Variants in NRK observed in about 807,000 individuals in gnomAD.
NRK encodes the protein Nik related kinase.
A neutral mutation model predicts 125.2 loss-of-function variants in NRK; 67 were observed. The observed-to-expected ratio is 0.54, with a 90% CI of 0.44 to 0.66. The LOEUF (loss-of-function observed/expected upper bound fraction) is 0.66, where lower values mean the gene tolerates loss of function less well. NRK is among the 30% of genes least tolerant of loss of function. The pLI is 0.00. For missense variants in NRK, 1,224 were observed against 1,192.9 expected, an observed-to-expected ratio of 1.03 and a Z score of -0.38; for synonymous variants, 458 against 429.0, an observed-to-expected ratio of 1.07 and a Z score of -0.84.
At chrX:105,852,923 A>G (rs1032170969) in intron 2 of NRK, among the ~76,000 whole-genome samples, 2 of 111,780 alleles carry the variant, frequency 1.8e-5, no homozygotes, top group African/African-American at 6.5e-5. Context: ...TGACTTTTTA[A>G]AAATTTTTGA....
intron 2 of NRK, among the ~76,000 whole-genome samples, chrX:105,873,223 A>T (rs1439123240): frequency 1.8e-5 from 2 of 111,589 alleles, no homozygotes; most frequent in African/African-American, 6.5e-5. Flanking sequence ...TAACTGCATG[A>T]TTTTTTTAAA....
chrX:105,905,971 C>T (rs760430477), intron 10 of NRK, among the ~76,000 whole-genome samples: 6 of 111,929 alleles, frequency 5.4e-5, no homozygotes, highest in Non-Finnish European at 1.1e-4. Context: ...TTAGTTAGTC[C>T]TGGTGCTTTT....
At chrX:105,929,410 A>T (rs2040566187) in intron 19 of NRK, among the ~76,000 whole-genome samples, 1 of 111,254 alleles carries the variant, frequency 9.0e-6, no homozygotes, top group African/African-American at 3.3e-5. Context: ...TATAGGCAAC[A>T]TATAATTGGG....
chrX:105,879,289 G>A (rs937391680), intron 2 of NRK, among the ~76,000 whole-genome samples: 1 of 110,560 alleles, frequency 9.0e-6, no homozygotes, highest in Non-Finnish European at 1.9e-5. Flanking sequence ...CAATTTTCGA[G>A]GGGACACTGT....
chrX:105,909,164 C>T lies in NRK; in HGVS notation c.1523C>T (p.Ser508Leu). 8.3e-7 allele frequency: 1 copy of T among 1,211,336 alleles called. No homozygotes were observed. Residue 508 changes from serine to leucine, a missense_variant, in exon 13 of 29, where the codon TCA becomes TTA. By Grantham distance (145) the Ser-to-Leu change is moderately radical. Coordinates refer to ENST00000243300, the MANE Select transcript of NRK (RefSeq NM_198465.4). ...AAGCAGCAGGCCCAGACCCAGACAT[C>T]AGAACCACAAGATTTGGACCAGGTA... The part of the protein sequence containing the change: ...SKKQQAQTQT[S>L]EPQDLDQVPE...
chrX:105,950,697 T>C lies in NRK; in HGVS notation c.4513+963T>C, dbSNP rs750929725. Among the ~76,000 whole-genome samples the C allele has an allele frequency of 1.2e-3, 129 of 109,603 alleles. 1 individual carries two copies. The highest frequency in any genetic ancestry group is 4.2e-3 in the African/African-American group (126 of 30,149). On this transcript the variant is annotated intron_variant, in intron 27 of 28. Coordinates refer to ENST00000243300, the MANE Select transcript of NRK (RefSeq NM_198465.4). ...CTCAGTAGCTAGGTTAAGTGGCAGA[T>C]GTAGGTGTTTTGGGACTAAGGTGGA... is the stretch of plus-strand genomic sequence containing the variant.
chrX:105,843,997 GTGTGTGTGTGTGTGTGTGTGTC>G (rs2039365080), intron 2 of NRK, among the ~76,000 whole-genome samples: 1 of 88,364 alleles, frequency 1.1e-5, no homozygotes, highest in African/African-American at 5.6e-5. Context: ...GTGTGTGTGT[GTGTGTGTGTGTGTGTGTGTGTC>G]TGTGTGTGTG....
intron 2 of NRK, among the ~76,000 whole-genome samples, chrX:105,872,942 G>A (rs760530199): frequency 9.0e-6 from 1 of 110,776 alleles, no homozygotes; most frequent in Admixed American, 9.6e-5. Flanking sequence ...CCGTGGCCTC[G>A]AAGGGTCACT....
chrX:105,826,077 T>TAC lies in NRK; in HGVS notation c.57+3187_57+3188dup, dbSNP rs1302430438. ...CTCTCTATATATATATATATACACA[T>TAC]ACACACACACACATATATACATATA... On this transcript the variant is annotated intron_variant, in intron 1 of 28. Transcript: ENST00000243300. Among the ~76,000 whole-genome samples, 14 of 96,581 alleles carry TAC rather than the reference T, an allele frequency of 1.4e-4. No individual in the cohort carries two copies. The East Asian group carries it at 3.1e-3, about 22-fold the overall frequency. 83.9% of individuals were successfully genotyped at this position (96,581 alleles called of 115,157 possible).
At chrX:105,903,524 T>C (rs1197313688) in intron 9 of NRK, among the ~76,000 whole-genome samples, 1 of 111,979 alleles carries the variant, frequency 8.9e-6, no homozygotes, top group African/African-American at 3.2e-5. Flanking sequence ...AGAGATAATG[T>C]GATTTTTAAG....
chrX:105,956,252 A>G lies in NRK; in HGVS notation c.*652A>G. On this transcript the variant is annotated 3_prime_UTR_variant, in exon 29 of 29. Coordinates refer to ENST00000243300, the MANE Select transcript of NRK (RefSeq NM_198465.4). Reference sequence around the variant, plus strand: ...GCTGGTTTTCTCCTGATAAGAAGAAAGGAAGAAAGCCCCAGACGCTTGGTT... The same window carrying G: ...GCTGGTTTTCTCCTGATAAGAAGAAGGGAAGAAAGCCCCAGACGCTTGGTT... The G allele has an allele frequency of 8.9e-6, 1 of 111,774 alleles. No homozygotes were observed. The highest frequency in any genetic ancestry group is 1.9e-5 in the Non-Finnish European group (1 of 53,089). 9.2% of individuals were successfully genotyped at this position (111,774 alleles called of 1,213,427 possible).
intron 23 of NRK, among the ~76,000 whole-genome samples, chrX:105,940,847 A>G (rs1432816848): frequency 8.9e-6 from 1 of 111,877 alleles, no homozygotes; most frequent in Non-Finnish European, 1.9e-5. Context: ...CTGGAATCAC[A>G]TTATATAAAT....
At chrX:105,829,950 G>A (rs1284529169) in intron 1 of NRK, among the ~76,000 whole-genome samples, 2 of 110,429 alleles carry the variant, frequency 1.8e-5, no homozygotes, top group African/African-American at 6.6e-5. Flanking sequence ...AGTTACTTTT[G>A]CATCAACCTA....
At chrX:105,940,561 C>T (rs1303144096) in intron 23 of NRK, among the ~76,000 whole-genome samples, 1 of 111,109 alleles carries the variant, frequency 9.0e-6, no homozygotes, top group East Asian at 2.8e-4. Flanking sequence ...CTCTCACTCC[C>T]ACTGTTGATA....
At chrX:105,916,917 A>G (rs1189044009) in intron 15 of NRK, among the ~76,000 whole-genome samples, 2 of 111,650 alleles carry the variant, frequency 1.8e-5, no homozygotes, top group Non-Finnish European at 3.8e-5. Context: ...CTTAAATGAA[A>G]CTCAAATCTT....
At chrX:105,850,431 G>A (rs2039457873) in intron 2 of NRK, among the ~76,000 whole-genome samples, 1 of 112,244 alleles carries the variant, frequency 8.9e-6, no homozygotes, top group African/African-American at 3.2e-5. Flanking sequence ...TTGGTGATTA[G>A]CATTTGGCTC....
intron 2 of NRK, among the ~76,000 whole-genome samples, chrX:105,877,406 A>G (rs917155798): frequency 9.0e-6 from 1 of 111,646 alleles, no homozygotes; most frequent in African/African-American, 3.2e-5. Context: ...TTTAAAATTT[A>G]GTTAAGAGTA....
intron 14 of NRK, among the ~76,000 whole-genome samples, chrX:105,914,573 T>G (rs371057586): frequency 7.3e-5 from 8 of 110,096 alleles, no homozygotes; most frequent in African/African-American, 2.0e-4. Flanking sequence ...TTTGAGTAAT[T>G]TTTGCCTCCA....
chrX:105,938,268 A>G (rs1678259368), intron 22 of NRK, among the ~76,000 whole-genome samples: 1 of 111,885 alleles, frequency 8.9e-6, no homozygotes, highest in South Asian at 3.7e-4. Flanking sequence ...GTCTATGTGA[A>G]TAAAATGATG....
Sources: allele counts gnomAD v4.1 joint callset (sites outside exome capture counted in the v4.1 genomes callset), GRCh38; gene constraint gnomAD v4.1.1; transcripts MANE v1.5; gene names NCBI Gene and HGNC (gene_info 2026-07-23, HGNC 2026-07-21).